Variants in ZAN observed in about 807,000 individuals in gnomAD.
ZAN encodes zonadhesin (gene/pseudogene).
In ZAN, 260 loss-of-function variants were observed where a neutral mutation model predicts 286.2. The ratio of observed to expected loss-of-function variants is 0.91; its 90% CI spans 0.82 to 1.01. The LOEUF (loss-of-function observed/expected upper bound fraction) is 1.01, where lower values mean the gene tolerates loss of function less well. Ranked by LOEUF, ZAN falls within the 50% of genes least tolerant of loss-of-function variation. The pLI is 0.00. For missense variants in ZAN, 3,410 were observed against 3,639.2 expected, an observed-to-expected ratio of 0.94 and a Z score of 1.62; for synonymous variants, 1,368 against 1,417.5, an observed-to-expected ratio of 0.97 and a Z score of 0.79.
chr7:100,745,564 T>C (rs1808150124), intron 7 of ZAN, among the ~76,000 whole-genome samples: 2 of 149,656 alleles, frequency 1.3e-5, no homozygotes, highest in South Asian at 4.2e-4. Flanking sequence ...CCAGTTTGCG[T>C]GAATAGGTTA....
intron 14 of ZAN, 72 bp from the exon 15 acceptor site, chr7:100,755,154 T>C (rs1046117999): frequency 1.1e-4 from 165 of 1,495,430 alleles, no homozygotes; most frequent in Non-Finnish European, 1.4e-4. Context: ...AGTTTGGGGG[T>C]AGAGGAGAGA....
rs867601016 is a variant in ZAN at position 100,750,957 on chromosome 7, G to A, written c.1521+61G>A. 114 of 1,509,556 alleles carry A rather than the reference G, an allele frequency of 7.6e-5. 2 individuals carry two copies. In the South Asian group the frequency reaches 1.4e-3, roughly 19 times the overall value. 93.5% of individuals were successfully genotyped at this position (1,509,556 alleles called of 1,614,324 possible). ...GTGAGAGGGCCAATGCCTGGGATCT[G>A]GGGGCGCCACCAGTGCTGAAGAGGT... is the stretch of plus-strand genomic sequence containing the variant. On this transcript the variant is annotated intron_variant, in intron 12 of 47. Coordinates refer to ENST00000613979, the MANE Select transcript of ZAN (RefSeq NM_003386.3).
Position 100,769,496 on chromosome 7 carries a change from T to C in ZAN, c.5154-384T>C, listed in dbSNP as rs141948154. Reference sequence around the variant, plus strand: ...TTTTCTTTCCTTTCCTTTCCTTCTCTTCCCTTTCTTCCTTCCTTTCTTCCT... The same window carrying C: ...TTTTCTTTCCTTTCCTTTCCTTCTCCTCCCTTTCTTCCTTCCTTTCTTCCT... On this transcript the variant is annotated intron_variant, in intron 27 of 47. Coordinates refer to ENST00000613979, the MANE Select transcript of ZAN (RefSeq NM_003386.3). 7.4e-4 allele frequency among the ~76,000 whole-genome samples: 112 copies of C among 152,024 alleles called. 2 individuals carry two copies. The East Asian group carries it at 0.021, about 28-fold the overall frequency.
intron 7 of ZAN, among the ~76,000 whole-genome samples, chr7:100,742,197 GCCGGGCAGAAGCGCT>G (rs1807841701): frequency 8.8e-6 from 1 of 113,250 alleles, no homozygotes; most frequent in African/African-American, 3.5e-5. Flanking sequence ...CGGGGTCTCG[GCCGGGCAGAAGCGCT>G]CCTCACATCC....
chr7:100,758,163 A>C (rs752302262), intron 15 of ZAN, 39 bp from the exon 16 acceptor site: 57 of 1,543,432 alleles, frequency 3.7e-5, no homozygotes, highest in Non-Finnish European at 4.9e-5. Context: ...GTACTCTAGG[A>C]GCTATATGAC....
chr7:100,795,054 T>G, intron 44 of ZAN, 142 bp from the exon 45 acceptor site: 1 of 1,036,370 alleles, frequency 9.6e-7, no homozygotes, highest in Non-Finnish European at 1.3e-6. Flanking sequence ...GAGGCAGGGT[T>G]GGGAGCCAGG....
At chr7:100,744,441 T>C (rs779785691) in intron 7 of ZAN, among the ~76,000 whole-genome samples, 1 of 150,374 alleles carries the variant, frequency 6.7e-6, no homozygotes, top group Non-Finnish European at 1.5e-5. Context: ...CTACTAAAAA[T>C]ACAAAAAATT....
chr7:100,768,102 C>T, intron 26 of ZAN, 91 bp downstream of exon 26: 1 of 1,406,348 alleles, frequency 7.1e-7, no homozygotes, highest in African/African-American at 1.4e-5. Context: ...GTGAGGTGTT[C>T]TAAGTACTTG....
intron 1 of ZAN, 99 bp from the exon 2 acceptor site, chr7:100,733,928 C>CTT: frequency 1.2e-5 from 4 of 342,646 alleles, no homozygotes; most frequent in Non-Finnish European, 1.7e-5. Flanking sequence ...GTTTCTTTCT[C>CTT]TTTTTTTTTC....
At chr7:100,793,340 C>T (rs1812123805) in intron 42 of ZAN, among the ~76,000 whole-genome samples, 1 of 151,328 alleles carries the variant, frequency 6.6e-6, no homozygotes, top group South Asian at 2.1e-4. Flanking sequence ...GACTCCATCT[C>T]TAAAAAAAAT....
chr7:100,780,050 G>A (rs376974873), intron 35 of ZAN, among the ~76,000 whole-genome samples: 4 of 152,080 alleles, frequency 2.6e-5, no homozygotes, highest in African/African-American at 9.6e-5. Flanking sequence ...AAAATTAGCC[G>A]GGTGTGGTGG....
chr7:100,750,192 A>G (rs540818804), intron 11 of ZAN, among the ~76,000 whole-genome samples: 76 of 149,900 alleles, frequency 5.1e-4, no homozygotes, highest in Non-Finnish European at 1.0e-3. Flanking sequence ...GCTGGAGTGC[A>G]GTGACGTGAT....
chr7:100,775,685 T>A lies in ZAN; in HGVS notation c.6044T>A (p.Val2015Asp), dbSNP rs1191435865. The A allele has an allele frequency of 6.2e-7, 1 of 1,613,856 alleles. No individual in the cohort carries two copies. Among genetic ancestry groups the A allele is most frequent in the East Asian group, 2.2e-5 (1 of 44,848 alleles). ...GHRVLINSKQ[V>D]TLPAISQIPG... The stretch of plus-strand genomic sequence containing the variant: ...CCTGTTTAGATCAACAGCAAACAGG[T>A]CACCCTCCCCGCCATCTCCCAGATC... The change falls in exon 33 of 48, where the codon GTC becomes GAC. Residue 2015 changes from valine (V) to aspartate (D), a missense_variant. By Grantham distance (152) the Val-to-Asp change is radical (BLOSUM62 -3). Coordinates refer to ENST00000613979, the MANE Select transcript of ZAN (RefSeq NM_003386.3).
At chr7:100,791,294 ATCTC>A (rs1811939149) in intron 40 of ZAN, among the ~76,000 whole-genome samples, 181 bp downstream of exon 40, 1 of 151,666 alleles carries the variant, frequency 6.6e-6, no homozygotes, top group Non-Finnish European at 1.5e-5. Flanking sequence ...CTCAATGGAA[ATCTC>A]TCTCTGTGCC....
In ZAN at chr7:100,791,108, C is replaced by T. The variant is rs1172350456; in HGVS notation, c.7524C>T (p.Phe2508=). The stretch of plus-strand genomic sequence containing the variant: ...AGACCGAGGACGCACTCCTGCGCTT[C>T]CCCAGGTGCACGGCCTGGAAGGGAT... ...EVKTEDALLR[F]PRAIPAEEEG... Residue 2508 remains phenylalanine (F), a synonymous_variant, in exon 40 of 48, where the codon TTC becomes TTT. Transcript: ENST00000613979. 6.2e-7 allele frequency: 1 copy of T among 1,610,818 alleles called. No individual in the cohort carries two copies. Among genetic ancestry groups the T allele is most frequent in the Non-Finnish European group, 8.5e-7 (1 of 1,179,278 alleles).
At chr7:100,786,418 GTT>G (rs1554410700) in intron 37 of ZAN, among the ~76,000 whole-genome samples, 1 of 137,064 alleles carries the variant, frequency 7.3e-6, no homozygotes, top group Non-Finnish European at 1.6e-5. Context: ...TTGTTTGTTT[GTT>G]TTTTGAGATA....
In ZAN at chr7:100,751,907, CCA is replaced by C. The variant is rs972796215; in HGVS notation, c.1805_1806del (p.Thr602ArgfsTer64). On this transcript the variant is annotated frameshift_variant, in exon 14 of 48. Transcript: ENST00000613979. LOFTEE classifies it high-confidence loss of function. Reference sequence around the variant, plus strand: ...ATTCCCACAGAAAAACCCACCATCTCCACAGAAAAACCCACCATTCCTTCAGA... The same window carrying C: ...ATTCCCACAGAAAAACCCACCATCTCCAGAAAAACCCACCATTCCTTCAGA... The C allele has an allele frequency of 6.2e-7, 1 of 1,613,188 alleles. No homozygotes were observed. The highest frequency in any genetic ancestry group is 8.5e-7 in the Non-Finnish European group (1 of 1,179,780).
At position 100,768,679 on chromosome 7, in the gene ZAN, A is replaced by T; in HGVS notation, c.5111A>T (p.Gln1704Leu). The T allele has an allele frequency of 6.2e-7, 1 of 1,609,164 alleles. No homozygotes were observed. Among genetic ancestry groups the T allele is most frequent in the East Asian group, 2.2e-5 (1 of 44,694 alleles). Residue 1704 changes from glutamine (Q) to leucine (L), a missense_variant, in exon 27 of 48, where the codon CAG (glutamine) becomes CTG (leucine). Physicochemically the swap from Gln to Leu is moderately radical, Grantham distance 113. Transcript: ENST00000613979. Reference sequence around the variant, plus strand: ...AGAAAGCTTGCAGGCGATTCCATGCAGCTGGGGGCCGCCTGGAAGTTACCT... The same window carrying T: ...AGAAAGCTTGCAGGCGATTCCATGCTGCTGGGGGCCGCCTGGAAGTTACCT... The part of the protein sequence containing the change: ...PDRKLAGDSM[Q>L]LGAAWKLPES...
In ZAN at chr7:100,758,354, C is replaced by T. The variant is rs763136779; in HGVS notation, c.3451+11C>T. On this transcript the variant is annotated intron_variant, in intron 16 of 47. Transcript: ENST00000613979. ...GATGCCACCCCTACGGTGAGAGCCC[C>T]TCCCCATGCTGTCCCTGCCTGCCAG... 1.2e-6 allele frequency: 2 copies of T among 1,609,974 alleles called. No individual in the cohort carries two copies. Among genetic ancestry groups the T allele is most frequent in the Non-Finnish European group, 1.7e-6 (2 of 1,177,800 alleles).
Sources: allele counts gnomAD v4.1 joint callset (sites outside exome capture counted in the v4.1 genomes callset), GRCh38; gene constraint gnomAD v4.1.1; transcripts MANE v1.5; gene names NCBI Gene and HGNC (gene_info 2026-07-23, HGNC 2026-07-21).